Variants in BBX observed in about 807,000 individuals in gnomAD.
The protein encoded by BBX is BBX high mobility group box domain containing.
BBX carries 30 observed loss-of-function variants against 100.2 expected under a neutral mutation model. That is an observed-to-expected ratio of 0.30 (90% CI 0.22 to 0.41). The LOEUF is 0.41. BBX is among the 10% of genes least tolerant of loss of function. BBX has a pLI of 1.00. For synonymous variants in BBX, 376 were observed against 388.1 expected (o/e 0.97, Z 0.37); for missense variants, 1,023 against 1,129.8 (o/e 0.91, Z 1.35).
At chr3:107,624,080 C>G (rs2055982830) in intron 2 of BBX, among the ~76,000 whole-genome samples, 1 of 152,138 alleles carries the variant, frequency 6.6e-6, no homozygotes, top group Non-Finnish European at 1.5e-5. Flanking sequence ...GCTCAGAAGC[C>G]AGGCTGCCAG....
intron 3 of BBX, among the ~76,000 whole-genome samples, chr3:107,675,637 AG>A (rs1218063732): frequency 6.6e-6 from 1 of 152,188 alleles, no homozygotes; most frequent in Non-Finnish European, 1.5e-5. Flanking sequence ...ATGAAACTAT[AG>A]TACCTTAAGA....
At chr3:107,690,892 C>CCCTTT (rs1553769848) in intron 3 of BBX, among the ~76,000 whole-genome samples, 2 of 41,190 alleles carry the variant, frequency 4.9e-5, no homozygotes, top group Non-Finnish European at 3.9e-5. Flanking sequence ...GCCCCCCCCC[C>CCCTTT]TTTTTTTTTT....
intron 2 of BBX, among the ~76,000 whole-genome samples, chr3:107,550,516 T>C (rs1413330874): frequency 6.6e-6 from 1 of 152,030 alleles, no homozygotes; most frequent in African/African-American, 2.4e-5. Flanking sequence ...GATGAATAAA[T>C]GAGGGGAAAG....
intron 2 of BBX, among the ~76,000 whole-genome samples, chr3:107,580,870 A>G (rs1328717518): frequency 6.6e-6 from 1 of 152,346 alleles, no homozygotes; most frequent in Admixed American, 6.5e-5. Context: ...ACCTCAGGTG[A>G]TCCGCCCGCC....
intron 15 of BBX, among the ~76,000 whole-genome samples, chr3:107,796,314 C>T (rs780306627): frequency 1.3e-5 from 2 of 152,186 alleles, no homozygotes; most frequent in Non-Finnish European, 2.9e-5. Flanking sequence ...TTTCCGCAGT[C>T]AGTTCTAATG....
intron 3 of BBX, among the ~76,000 whole-genome samples, chr3:107,683,700 G>C (rs2059688397): frequency 6.6e-6 from 1 of 152,152 alleles, no homozygotes; most frequent in Non-Finnish European, 1.5e-5. Flanking sequence ...CGTCCCAAAA[G>C]TTAGATTTGG....
chr3:107,643,727 A>G (rs1232099026), intron 2 of BBX, among the ~76,000 whole-genome samples: 1 of 152,188 alleles, frequency 6.6e-6, no homozygotes, highest in Non-Finnish European at 1.5e-5. Flanking sequence ...TTTCCGTCAA[A>G]TCAGTACACT....
At chr3:107,723,014 T>C (rs2062650975) in intron 5 of BBX, among the ~76,000 whole-genome samples, 1 of 152,058 alleles carries the variant, frequency 6.6e-6, no homozygotes, top group Non-Finnish European at 1.5e-5. Flanking sequence ...CATATATGAT[T>C]ATACAGTAAA....
intron 3 of BBX, among the ~76,000 whole-genome samples, chr3:107,674,355 A>G (rs1050792319): frequency 6.6e-6 from 1 of 152,160 alleles, no homozygotes; most frequent in Non-Finnish European, 1.5e-5. Context: ...CTACCCTTCT[A>G]ATTTTTCACA....
chr3:107,649,510 G>C (rs964647481), intron 3 of BBX, among the ~76,000 whole-genome samples: 2 of 152,140 alleles, frequency 1.3e-5, no homozygotes, highest in Non-Finnish European at 2.9e-5. Flanking sequence ...TGGGTTAATT[G>C]CCTGAAAAGA....
chr3:107,647,023 C>G (rs192169323), intron 3 of BBX, among the ~76,000 whole-genome samples: 223 of 152,188 alleles, frequency 1.5e-3, no homozygotes, highest in Non-Finnish European at 1.9e-3. Context: ...AACCTTAATG[C>G]CAGTGAGAAG....
chr3:107,771,384 A>G (rs2066896425), intron 10 of BBX, among the ~76,000 whole-genome samples: 1 of 135,602 alleles, frequency 7.4e-6, no homozygotes, highest in Non-Finnish European at 1.6e-5. Context: ...TTTCCCCTTG[A>G]ATGTTCTGTA....
At chr3:107,582,763 A>C (rs2107554704) in intron 2 of BBX, among the ~76,000 whole-genome samples, 1 of 152,212 alleles carries the variant, frequency 6.6e-6, no homozygotes, top group Non-Finnish European at 1.5e-5. Flanking sequence ...AAAATTTTTT[A>C]ATGTAACGGT....
intron 3 of BBX, among the ~76,000 whole-genome samples, chr3:107,666,629 G>A (rs757353528): frequency 3.9e-5 from 6 of 152,140 alleles, no homozygotes; most frequent in Admixed American, 2.6e-4. Flanking sequence ...GCAGTGGCGC[G>A]ATCTCGGCTC....
intron 15 of BBX, among the ~76,000 whole-genome samples, chr3:107,796,640 A>G (rs1449853297): frequency 6.6e-6 from 1 of 152,186 alleles, no homozygotes. Context: ...TTTAAGGCTA[A>G]AATAGAATCA....
intron 10 of BBX, 112 bp downstream of exon 10, chr3:107,755,790 A>T (rs2065427286): frequency 1.1e-6 from 1 of 891,548 alleles, no homozygotes; most frequent in Non-Finnish European, 1.7e-6. Flanking sequence ...AAAATGAGTT[A>T]CATCTAATTT....
intron 3 of BBX, among the ~76,000 whole-genome samples, chr3:107,692,635 G>T (rs973904956): frequency 6.6e-6 from 1 of 151,606 alleles, no homozygotes; most frequent in Non-Finnish European, 1.5e-5. Flanking sequence ...CTTTGCTATT[G>T]TGAATAGTGC....
At chr3:107,553,229 A>G (rs1364612685) in intron 2 of BBX, among the ~76,000 whole-genome samples, 2 of 152,216 alleles carry the variant, frequency 1.3e-5, no homozygotes, top group East Asian at 1.9e-4. Context: ...ATGGAACATT[A>G]TGTATCAGAC....
chr3:107,784,927 C>G (rs2068260198), intron 13 of BBX, among the ~76,000 whole-genome samples: 1 of 150,930 alleles, frequency 6.6e-6, no homozygotes, highest in African/African-American at 2.4e-5. Context: ...CTAGATTGAC[C>G]AAGAAGAAAA....
Sources: gnomAD v4.1 joint callset for allele counts (sites outside exome capture counted in the v4.1 genomes callset) on GRCh38, gnomAD v4.1.1 for gene constraint, MANE v1.5 for transcripts, NCBI Gene and HGNC (gene_info 2026-07-23, HGNC 2026-07-21) for gene names.